The following SUSD4 variants were observed in gnomAD, a reference collection of about 807,000 sequenced individuals.
The protein encoded by SUSD4 is sushi domain containing 4.
SUSD4 carries 41 observed loss-of-function variants against 50.5 expected under a neutral mutation model. The ratio of observed to expected loss-of-function variants is 0.81; its 90% CI spans 0.63 to 1.05. The LOEUF (loss-of-function observed/expected upper bound fraction) is 1.05, where lower values mean the gene tolerates loss of function less well. Among genes scored for constraint, SUSD4 ranks in the 50% least tolerant of loss-of-function variants. SUSD4 has a pLI of 0.00. For missense variants in SUSD4, 580 were observed against 634.7 expected (o/e 0.91, Z 0.93); for synonymous variants, 257 against 257.3 (o/e 1.00, Z 0.01).
chr1:223,231,316 T>C lies in SUSD4; in HGVS notation c.725-1928A>G, dbSNP rs1294911921. The stretch of plus-strand genomic sequence containing the variant: ...CGGTGGACAGCCTGTCTAGATCTGG[T>C]GCAGTGCAGGGAAGGTCCAGGGCAG... On this transcript the variant is annotated intron_variant, in intron 5 of 8. Transcript: ENST00000366878. The surrounding 1 kb of genome is among the most constrained non-coding windows in gnomAD (Gnocchi z 4.2). Among the ~76,000 whole-genome samples the C allele has an allele frequency of 2.0e-5, 3 of 152,008 alleles. No individual in the cohort carries two copies. The highest frequency in any genetic ancestry group is 4.4e-5 in the Non-Finnish European group (3 of 67,982).
chr1:223,244,354 T>A (rs1218999203), intron 5 of SUSD4, among the ~76,000 whole-genome samples: 4 of 152,098 alleles, frequency 2.6e-5, no homozygotes, highest in Non-Finnish European at 4.4e-5. Context: ...GTGCACCCTA[T>A]GTGGGAGAAA....
intron 6 of SUSD4, among the ~76,000 whole-genome samples, chr1:223,228,768 G>A (rs1408161075): frequency 2.0e-5 from 3 of 151,998 alleles, no homozygotes; most frequent in Non-Finnish European, 4.4e-5. Flanking sequence ...ATCTAATTCT[G>A]GTCACACCCA....
At chr1:223,317,054 A>G (rs539381444) in intron 2 of SUSD4, among the ~76,000 whole-genome samples, 4 of 152,344 alleles carry the variant, frequency 2.6e-5, no homozygotes, top group African/African-American at 9.6e-5. Flanking sequence ...GCTGGATAAA[A>G]TGAGACTGAA....
chr1:223,342,124 G>A (rs1459728607), intron 2 of SUSD4, among the ~76,000 whole-genome samples: 1 of 152,104 alleles, frequency 6.6e-6, no homozygotes, highest in Non-Finnish European at 1.5e-5. Flanking sequence ...TGAAACCAGG[G>A]CTAGGAGGAC....
chr1:223,334,882 TC>T (rs1413945365), intron 2 of SUSD4, among the ~76,000 whole-genome samples: 3 of 152,084 alleles, frequency 2.0e-5, no homozygotes, highest in Non-Finnish European at 4.4e-5. Flanking sequence ...TCCTACCCTT[TC>T]CCCCTGGGTC....
intron 5 of SUSD4, among the ~76,000 whole-genome samples, chr1:223,261,647 C>T (rs1030565314): frequency 1.3e-5 from 2 of 152,178 alleles, no homozygotes; most frequent in African/African-American, 4.8e-5. Context: ...AGTCATCTTA[C>T]GTAGACACAG....
chr1:223,315,468 C>T lies in SUSD4; in HGVS notation c.149-22817G>A, dbSNP rs1275573193. On this transcript the variant is annotated intron_variant, in intron 2 of 8. Transcript: ENST00000366878. The stretch of plus-strand genomic sequence containing the variant: ...GACTACCAATGGCTCCAACTGGACC[C>T]GCGGACTCCGCCAACTGGTCCTGTG... Among the ~76,000 whole-genome samples, 12 of 152,186 alleles carry T rather than the reference C, an allele frequency of 7.9e-5. No homozygotes were observed. The South Asian group carries it at 8.3e-4, about 11-fold the overall frequency.
chr1:223,253,417 A>G (rs1402411288), intron 5 of SUSD4, among the ~76,000 whole-genome samples: 1 of 152,208 alleles, frequency 6.6e-6, no homozygotes, highest in Non-Finnish European at 1.5e-5. Flanking sequence ...CATGAGACAA[A>G]AAGATAGGAA....
At chr1:223,276,024 C>T (rs1024175112) in intron 3 of SUSD4, among the ~76,000 whole-genome samples, 2 of 152,210 alleles carry the variant, frequency 1.3e-5, no homozygotes, top group African/African-American at 2.4e-5. Flanking sequence ...CTGAAAGCCT[C>T]GGTCAGCCCC....
At chr1:223,297,806 C>A (rs1242348700) in intron 2 of SUSD4, among the ~76,000 whole-genome samples, 1 of 152,126 alleles carries the variant, frequency 6.6e-6, no homozygotes, top group Non-Finnish European at 1.5e-5. Flanking sequence ...ACCTCCTCAG[C>A]ATCTGGCATG....
chr1:223,262,800 A>C (rs1255152500), intron 5 of SUSD4, among the ~76,000 whole-genome samples: 1 of 152,182 alleles, frequency 6.6e-6, no homozygotes, highest in Non-Finnish European at 1.5e-5. Context: ...TTATTAAAAA[A>C]ACAAAAACCC....
intron 2 of SUSD4, among the ~76,000 whole-genome samples, chr1:223,340,670 T>C (rs113447667): frequency 5.5e-4 from 83 of 152,234 alleles, no homozygotes; most frequent in African/African-American, 2.0e-3. Context: ...AAGATCCAGG[T>C]AGAGGTCAGG....
intron 2 of SUSD4, among the ~76,000 whole-genome samples, chr1:223,339,795 C>T (rs1667653968): frequency 1.3e-5 from 2 of 152,196 alleles, no homozygotes; most frequent in South Asian, 4.1e-4. Context: ...CACCTGAGGC[C>T]CCTCAGGAAG....
rs969159028 is a variant in SUSD4 at position 223,229,474 on chromosome 1, A to G, written c.725-86T>C. 7.7e-7 allele frequency: 1 copy of G among 1,301,846 alleles called. No homozygotes were observed. The highest frequency in any genetic ancestry group is 1.5e-5 in the African/African-American group (1 of 67,634). 80.6% of individuals were successfully genotyped at this position (1,301,846 alleles called of 1,614,324 possible). A position where few individuals can be genotyped will look rare whatever the true frequency, so the allele number is the denominator to read the frequency against. On this transcript the variant is annotated intron_variant, in intron 5 of 8. Coordinates refer to ENST00000366878, the MANE Select transcript of SUSD4 (RefSeq NM_017982.4). The surrounding 1 kb of genome is among the most constrained non-coding windows in gnomAD (Gnocchi z 4.7). Reference sequence around the variant, plus strand: ...CTAAGACGAAGAATGGCCTAGGAGAACTCAGTTAAAAATGTGCTTATGGAT... The same window carrying G: ...CTAAGACGAAGAATGGCCTAGGAGAGCTCAGTTAAAAATGTGCTTATGGAT...
chr1:223,336,830 C>T (rs1667483871), intron 2 of SUSD4, among the ~76,000 whole-genome samples: 2 of 152,050 alleles, frequency 1.3e-5, no homozygotes, highest in Admixed American at 1.3e-4. Flanking sequence ...GCATCTGGCA[C>T]ATTAGAGGTG....
chr1:223,253,418 A>G (rs1360486045), intron 5 of SUSD4, among the ~76,000 whole-genome samples: 1 of 152,328 alleles, frequency 6.6e-6, no homozygotes, highest in South Asian at 2.1e-4. Flanking sequence ...ATGAGACAAA[A>G]AGATAGGAAT....
intron 3 of SUSD4, among the ~76,000 whole-genome samples, chr1:223,269,449 C>A (rs1662758394): frequency 1.3e-5 from 2 of 152,196 alleles, no homozygotes; most frequent in African/African-American, 2.4e-5. Context: ...GTGATCATTA[C>A]CCACTTCCAA....
At position 223,229,180 on chromosome 1, in the gene SUSD4, G is replaced by C. The variant is rs776626244; in HGVS notation, c.916+17C>G. 1 of 1,586,540 alleles carries C rather than the reference G, an allele frequency of 6.3e-7. No homozygotes were observed. The highest frequency in any genetic ancestry group is 2.3e-5 in the East Asian group (1 of 44,020). On this transcript the variant is annotated intron_variant, in intron 6 of 8. Transcript: ENST00000366878. This position sits in a 1 kb window ranked among gnomAD's most constrained non-coding sequence, Gnocchi z 4.7. Reference sequence around the variant, plus strand: ...AGGAGGGTCCATCTCCTCCAAGGGTGAGGCCTTCAGTCTTACCTGATTTGA... The same window carrying C: ...AGGAGGGTCCATCTCCTCCAAGGGTCAGGCCTTCAGTCTTACCTGATTTGA...
Position 223,289,640 on chromosome 1 carries a change from G to A in SUSD4, c.361+2799C>T, listed in dbSNP as rs530146741. ...GTCCAGGTAACAGTGACAAGCCCGG[G>A]GGCTGCAACAGGTCTTTCCCTAAAT... On this transcript the variant is annotated intron_variant, in intron 3 of 8. Transcript: ENST00000366878. 1.1e-3 allele frequency among the ~76,000 whole-genome samples: 174 copies of A among 152,260 alleles called. 3 individuals carry two copies. Among genetic ancestry groups the A allele is most frequent in the African/African-American group, 4.0e-3 (167 of 41,558 alleles).
Sources: gnomAD v4.1 joint callset for allele counts (sites outside exome capture counted in the v4.1 genomes callset) on GRCh38, gnomAD v4.1.1 for gene constraint, Gnocchi (gnomAD v3.1) non-coding constraint, MANE v1.5 for transcripts, NCBI Gene and HGNC (gene_info 2026-07-23, HGNC 2026-07-21) for gene names.